COBL: variants seen among roughly 807,000 people sequenced by gnomAD.
The protein encoded by COBL is protein cordon-bleu.
A neutral mutation model predicts 98.8 loss-of-function variants in COBL; 51 were observed. The ratio of observed to expected loss-of-function variants is 0.52; its 90% CI spans 0.41 to 0.65. The LOEUF is 0.65. Among genes scored for constraint, COBL ranks in the 30% least tolerant of loss-of-function variants. The pLI is 0.00. For missense variants in COBL, 1,617 were observed against 1,617.5 expected (o/e 1.00, Z 0.01); for synonymous variants, 634 against 651.7 (o/e 0.97, Z 0.41).
intron 1 of COBL, among the ~76,000 whole-genome samples, chr7:51,262,262 C>G (rs530441124): frequency 6.6e-6 from 1 of 152,154 alleles, no homozygotes; most frequent in Admixed American, 6.5e-5. Flanking sequence ...CAGGGGCACA[C>G]CTGGGAACCC....
rs1791834883 is a variant in COBL, at chr7:51,207,324, T to C, written c.245+12417A>G. 5.9e-5 allele frequency among the ~76,000 whole-genome samples: 9 copies of C among 151,834 alleles called. No homozygotes were observed. In the South Asian group the frequency reaches 1.9e-3, roughly 32 times the overall value. On this transcript the variant is annotated intron_variant, in intron 2 of 12. Transcript: ENST00000265136. The stretch of plus-strand genomic sequence containing the variant: ...TAACAAGCGATTACAGATCACCTAG[T>C]GGGTACAATGTGTTACTAGGTCAAT...
intron 5 of COBL, among the ~76,000 whole-genome samples, chr7:51,169,323 T>C (rs1276185410): frequency 6.6e-6 from 1 of 152,150 alleles, no homozygotes; most frequent in Non-Finnish European, 1.5e-5. Flanking sequence ...CGTGTACTGA[T>C]TGATGTATTA....
chr7:51,176,151 T>G (rs1198704119), intron 5 of COBL, among the ~76,000 whole-genome samples: 1 of 152,210 alleles, frequency 6.6e-6, no homozygotes, highest in East Asian at 1.9e-4. Context: ...GTGAGGACTG[T>G]GTTGCACCTC....
intron 1 of COBL, among the ~76,000 whole-genome samples, chr7:51,277,186 C>A (rs566720741): frequency 2.3e-4 from 35 of 152,270 alleles, no homozygotes; most frequent in Admixed American, 2.2e-3. Context: ...GCCACACATG[C>A]GCAGGGACCC....
rs1787701424 is a variant in COBL, at chr7:51,027,616, G to GTC, written c.3384+94_3384+95dup. 20 of 1,051,758 alleles carry GTC rather than the reference G, an allele frequency of 1.9e-5. 1 individual carries two copies. The highest frequency in any genetic ancestry group is 7.0e-5 in the Admixed American group (3 of 42,938). 65.2% of individuals were successfully genotyped at this position (1,051,758 alleles called of 1,614,324 possible). On this transcript the variant is annotated intron_variant, in intron 10 of 12. Transcript: ENST00000265136. ...TAAGCCTCACTGTTATCCTAATCCC[G>GTC]TCTCTCTCTCTCCTCCGCTTTATTC...
chr7:51,181,637 CT>C (rs1788965058), intron 5 of COBL, among the ~76,000 whole-genome samples: 1 of 152,210 alleles, frequency 6.6e-6, no homozygotes, highest in Non-Finnish European at 1.5e-5. Flanking sequence ...AGTCCTCAAC[CT>C]TGGCCCAGAT....
chr7:51,160,634 G>A (rs1786703241), intron 5 of COBL, among the ~76,000 whole-genome samples: 1 of 152,138 alleles, frequency 6.6e-6, no homozygotes, highest in South Asian at 2.1e-4. Flanking sequence ...TGGTGATTAT[G>A]AGCTCACGGT....
chr7:51,303,087 AAATAC>A (rs1477332477), intron 1 of COBL, among the ~76,000 whole-genome samples: 1 of 152,224 alleles, frequency 6.6e-6, no homozygotes, highest in Non-Finnish European at 1.5e-5. Context: ...GAATGTTTTA[AAATAC>A]AATACATTAA....
chr7:51,279,237 A>T (rs1799589903), intron 1 of COBL, among the ~76,000 whole-genome samples: 1 of 152,240 alleles, frequency 6.6e-6, no homozygotes, highest in African/African-American at 2.4e-5. Context: ...GTCATAAGGG[A>T]TATAATCCCA....
intron 2 of COBL, among the ~76,000 whole-genome samples, chr7:51,197,843 T>G (rs2129062050): frequency 6.6e-6 from 1 of 152,362 alleles, no homozygotes; most frequent in Non-Finnish European, 1.5e-5. Context: ...CCTCCTGCTT[T>G]CTTCTGTTTT....
intron 4 of COBL, among the ~76,000 whole-genome samples, 179 bp downstream of exon 4, chr7:51,190,671 G>A (rs1790018148): frequency 6.6e-6 from 1 of 152,152 alleles, no homozygotes; most frequent in Non-Finnish European, 1.5e-5. Context: ...GCTCAATCCA[G>A]AGGAATGAAA....
intron 4 of COBL, among the ~76,000 whole-genome samples, chr7:51,189,496 T>C (rs1789888765): frequency 1.3e-5 from 2 of 152,108 alleles, no homozygotes. Context: ...TAGCCGGGCA[T>C]GGTGGGAGGT....
rs1787751412 is a variant in COBL, at chr7:51,028,060, G to C, written c.3036C>G (p.Pro1012=). 6.2e-7 allele frequency: 1 copy of C among 1,612,440 alleles called. No homozygotes were observed. Residue 1012 remains proline, a synonymous_variant, in exon 10 of 13, where the codon CCC becomes CCG. Transcript: ENST00000265136. Reference sequence around the variant, plus strand: ...GGTCTGTACCATCAGGTGCGCGTCTGGGCTCAGATGCTGAGCTGGCCTCCT... The same window carrying C: ...GGTCTGTACCATCAGGTGCGCGTCTCGGCTCAGATGCTGAGCTGGCCTCCT... ...SSQEASSASE[P]RRAPDGTDPP... is the part of the protein sequence containing the mutation.
At chr7:51,205,456 A>G (rs1257335762) in intron 2 of COBL, among the ~76,000 whole-genome samples, 2 of 152,076 alleles carry the variant, frequency 1.3e-5, no homozygotes, top group African/African-American at 4.8e-5. Context: ...AAAACTGAAT[A>G]TCCATATGCA....
At chr7:51,120,758 G>A (rs1797671293) in intron 6 of COBL, among the ~76,000 whole-genome samples, 1 of 152,080 alleles carries the variant, frequency 6.6e-6, no homozygotes, top group Non-Finnish European at 1.5e-5. Context: ...TTTTGTGACA[G>A]GCTTGTTTCA....
chr7:51,094,446 A>T (rs1279802195), intron 6 of COBL, among the ~76,000 whole-genome samples: 1 of 152,318 alleles, frequency 6.6e-6, no homozygotes, highest in East Asian at 1.9e-4. Flanking sequence ...ATATTTTGAC[A>T]ATGCATACAT....
intron 1 of COBL, among the ~76,000 whole-genome samples, chr7:51,271,828 T>C (rs1011100465): frequency 1.3e-5 from 2 of 152,190 alleles, no homozygotes; most frequent in African/African-American, 4.8e-5. Context: ...TCAGGAGTTC[T>C]AAGACCAGTT....
intron 12 of COBL, among the ~76,000 whole-genome samples, chr7:51,024,035 C>T (rs988593819): frequency 2.6e-5 from 4 of 152,170 alleles, no homozygotes; most frequent in Admixed American, 2.0e-4. Flanking sequence ...CTTTGCCGGG[C>T]GCAGTGGCTC....
At chr7:51,275,182 G>A (rs372725518) in intron 1 of COBL, among the ~76,000 whole-genome samples, 6 of 152,274 alleles carry the variant, frequency 3.9e-5, no homozygotes, top group Non-Finnish European at 5.9e-5. Context: ...TCACCCCTGC[G>A]GGCTGGAGGG....
Sources: gnomAD v4.1 joint callset for allele counts (sites outside exome capture counted in the v4.1 genomes callset) on GRCh38, gnomAD v4.1.1 for gene constraint, MANE v1.5 for transcripts, NCBI Gene and HGNC (gene_info 2026-07-23, HGNC 2026-07-21) for gene names.